Variants in FAM171A1 observed in about 807,000 individuals in gnomAD.
FAM171A1 encodes family with sequence similarity 171 member A1.
A neutral mutation model predicts 74.9 loss-of-function variants in FAM171A1; 23 were observed. The ratio of observed to expected loss-of-function variants is 0.31; its 90% CI spans 0.22 to 0.44. The LOEUF (loss-of-function observed/expected upper bound fraction) is 0.44. Ranked by LOEUF, FAM171A1 falls within the 20% of genes least tolerant of loss-of-function variation. The pLI is 1.00. For synonymous variants in FAM171A1, 527 were observed against 505.7 expected (o/e 1.04, Z -0.57); for missense variants, 1,162 against 1,159.2 (o/e 1.00, Z -0.03).
chr10:15,311,228 C>A (rs1835356209), intron 1 of FAM171A1, among the ~76,000 whole-genome samples: 2 of 152,250 alleles, frequency 1.3e-5, no homozygotes. Context: ...TTTGCAGAGA[C>A]TGGGCAGGCT....
chr10:15,290,372 C>T (rs557864322), intron 1 of FAM171A1, among the ~76,000 whole-genome samples: 1 of 152,300 alleles, frequency 6.6e-6, no homozygotes, highest in East Asian at 1.9e-4. Flanking sequence ...TGTTTTTCTA[C>T]ACTTCCCTTC....
At chr10:15,224,309 C>G (rs1834077735) in intron 5 of FAM171A1, among the ~76,000 whole-genome samples, 1 of 152,074 alleles carries the variant, frequency 6.6e-6, no homozygotes, top group Non-Finnish European at 1.5e-5. Context: ...GGGATGGGAG[C>G]ACAGAGGCCC....
chr10:15,292,184 C>T (rs951910208), intron 1 of FAM171A1, among the ~76,000 whole-genome samples: 2 of 152,100 alleles, frequency 1.3e-5, no homozygotes, highest in Non-Finnish European at 2.9e-5. Flanking sequence ...TGGCTCCCCC[C>T]TCATGACCTG....
chr10:15,370,240 C>CTT lies in FAM171A1; in HGVS notation c.97+714_97+715dup, dbSNP rs34087157. Among the ~76,000 whole-genome samples, 249 of 110,842 alleles carry CTT rather than the reference C, an allele frequency of 2.2e-3. 1 individual carries two copies. Among genetic ancestry groups the CTT allele is most frequent in the East Asian group, 9.7e-3 (33 of 3,418 alleles). The allele number at this position is 110,842 out of a possible 152,430, so 72.7% of individuals were successfully genotyped here. A position where few individuals can be genotyped will look rare whatever the true frequency, so the allele number is the denominator to read the frequency against. ...ACAAACTGATCTGGAAAGGATTTTT[C>CTT]TTTTTTTTTTTTTTTTTTTTGGTGA... On this transcript the variant is annotated intron_variant, in intron 1 of 7. Transcript: ENST00000378116.
At chr10:15,301,362 ATTTT>A (rs71390027) in intron 1 of FAM171A1, among the ~76,000 whole-genome samples, 1 of 141,564 alleles carries the variant, frequency 7.1e-6, no homozygotes. Context: ...ATATATATAT[ATTTT>A]TTTTTTTTGT....
Position 15,213,284 on chromosome 10 carries a change from G to C in FAM171A1, c.2304C>G (p.Pro768=). Residue 768 remains proline, a synonymous_variant, in exon 8 of 8, where the codon CCC becomes CCG. Transcript: ENST00000378116. This position sits in a 1 kb window ranked among gnomAD's most constrained non-coding sequence, Gnocchi z 6.8. Reference sequence around the variant, plus strand: ...GCTCTTTCTGCTGGTGCTCTTGGACGGGCGGGTAGTTCTGCTGCAGAGACA... The same window carrying C: ...GCTCTTTCTGCTGGTGCTCTTGGACCGGCGGGTAGTTCTGCTGCAGAGACA... ...DALSLQQNYP[P]VQEHQQKEPR... 6.2e-7 allele frequency: 1 copy of C among 1,614,058 alleles called. No individual in the cohort carries two copies. Among genetic ancestry groups the C allele is most frequent in the Non-Finnish European group, 8.5e-7 (1 of 1,180,022 alleles).
intron 5 of FAM171A1, among the ~76,000 whole-genome samples, chr10:15,223,969 A>G (rs1044071215): frequency 6.6e-6 from 1 of 152,222 alleles, no homozygotes; most frequent in African/African-American, 2.4e-5. Flanking sequence ...CTAGTGGGTG[A>G]CCACATATAT....
chr10:15,287,469 C>T (rs1178489912), intron 1 of FAM171A1, among the ~76,000 whole-genome samples: 1 of 149,992 alleles, frequency 6.7e-6, no homozygotes, highest in Non-Finnish European at 1.5e-5. Flanking sequence ...CTCACTGCAA[C>T]CTTTGCCTCC....
chr10:15,226,887 C>G (rs1834115410), intron 5 of FAM171A1, among the ~76,000 whole-genome samples: 1 of 152,168 alleles, frequency 6.6e-6, no homozygotes, highest in Non-Finnish European at 1.5e-5. Context: ...CCCCCAGCTT[C>G]CCACCTGGAG....
intron 3 of FAM171A1, among the ~76,000 whole-genome samples, chr10:15,272,959 C>T (rs1004921087): frequency 4.6e-5 from 7 of 152,224 alleles, no homozygotes; most frequent in South Asian, 4.1e-4. Flanking sequence ...AAAATTGACA[C>T]CCTAACATCA....
chr10:15,368,920 G>C (rs1169747253), intron 1 of FAM171A1, among the ~76,000 whole-genome samples: 4 of 152,164 alleles, frequency 2.6e-5, no homozygotes, highest in African/African-American at 7.2e-5. Context: ...CCAAATGCCA[G>C]GTAGTGAGAC....
chr10:15,315,396 T>C (rs1030316201), intron 1 of FAM171A1, among the ~76,000 whole-genome samples: 5 of 152,204 alleles, frequency 3.3e-5, no homozygotes, highest in African/African-American at 4.8e-5. Flanking sequence ...GTGTAGAACA[T>C]TCACATCTGT....
Position 15,371,159 on chromosome 10 carries a change from G to T in FAM171A1, c.-107C>A. ...CCCCCCTCCATGTCGCTGGCTCCGCGCGCCGGGCCCGCCGCCCGATTGGCC... is the reference window on the plus strand; with the variant it reads ...CCCCCCTCCATGTCGCTGGCTCCGCTCGCCGGGCCCGCCGCCCGATTGGCC... On this transcript the variant is annotated 5_prime_UTR_variant, in exon 1 of 8. Transcript: ENST00000378116. 3.4e-6 allele frequency: 1 copy of T among 290,626 alleles called. No individual in the cohort carries two copies. Among genetic ancestry groups the T allele is most frequent in the Non-Finnish European group, 5.0e-6 (1 of 198,960 alleles). 18.0% of individuals were successfully genotyped at this position (290,626 alleles called of 1,614,324 possible). A position where few individuals can be genotyped will look rare whatever the true frequency, so the allele number is the denominator to read the frequency against.
intron 1 of FAM171A1, among the ~76,000 whole-genome samples, chr10:15,337,766 C>T (rs1314979289): frequency 2.0e-5 from 3 of 152,078 alleles, no homozygotes; most frequent in Non-Finnish European, 2.9e-5. Context: ...CTGGCCAACG[C>T]GGTAAAACCC....
chr10:15,244,321 C>T lies in FAM171A1; in HGVS notation c.754+4318G>A, dbSNP rs182907025. Among the ~76,000 whole-genome samples, 1,053 of 152,280 alleles carry T rather than the reference C, an allele frequency of 6.9e-3. 9 individuals carry two copies. The highest frequency in any genetic ancestry group is 0.01 in the Non-Finnish European group (682 of 68,028). On this transcript the variant is annotated intron_variant, in intron 5 of 7. Transcript: ENST00000378116. ...AGTGAGCTGAGATCTTGCCACAGCACGCCAGCTTGGGCGACAGAGTGAGAC... is the reference window on the plus strand; with the variant it reads ...AGTGAGCTGAGATCTTGCCACAGCATGCCAGCTTGGGCGACAGAGTGAGAC...
chr10:15,334,926 A>G (rs992086882), intron 1 of FAM171A1, among the ~76,000 whole-genome samples: 1 of 152,170 alleles, frequency 6.6e-6, no homozygotes, highest in Admixed American at 6.5e-5. Flanking sequence ...TGCAACAGAA[A>G]TTCTACAAAA....
chr10:15,298,661 T>G (rs1835190306), intron 1 of FAM171A1, among the ~76,000 whole-genome samples: 1 of 152,196 alleles, frequency 6.6e-6, no homozygotes, highest in Non-Finnish European at 1.5e-5. Flanking sequence ...TTCCAACTTT[T>G]AAGAACTTTT....
chr10:15,215,836 T>G (rs150688642), intron 7 of FAM171A1, among the ~76,000 whole-genome samples, 160 bp downstream of exon 7: 2 of 152,228 alleles, frequency 1.3e-5, no homozygotes, highest in South Asian at 2.1e-4. Flanking sequence ...AGTTGCAACT[T>G]AGATCACAAA....
chr10:15,353,440 T>C (rs997754999), intron 1 of FAM171A1, among the ~76,000 whole-genome samples: 19 of 152,194 alleles, frequency 1.2e-4, no homozygotes, highest in Admixed American at 7.2e-4. Context: ...TAATGATAGA[T>C]TGGCAATTCC....
Sources: allele counts gnomAD v4.1 joint callset (sites outside exome capture counted in the v4.1 genomes callset), GRCh38; gene constraint gnomAD v4.1.1; non-coding constraint Gnocchi (gnomAD v3.1); transcripts MANE v1.5; gene names NCBI Gene and HGNC (gene_info 2026-07-23, HGNC 2026-07-21).